Variants in SCYL2 observed in about 807,000 individuals in gnomAD.
SCYL2 encodes SCY1 like pseudokinase 2, also known as SCY1-like protein 2.
Under a neutral mutation model 100.4 loss-of-function variants are expected in SCYL2, and 36 were observed. The observed-to-expected ratio is 0.36, with a 90% CI of 0.27 to 0.47. The LOEUF is 0.47. SCYL2 is among the 20% of genes least tolerant of loss of function. The pLI is 1.00. For synonymous variants in SCYL2, 330 were observed against 359.2 expected, an observed-to-expected ratio of 0.92 and a Z score of 0.92; for missense variants, 902 against 1,083.9, an observed-to-expected ratio of 0.83 and a Z score of 2.36.
At chr12:100,313,644 C>A in intron 7 of SCYL2, 106 bp downstream of exon 7, 2 of 625,192 alleles carry the variant, frequency 3.2e-6, no homozygotes, top group Non-Finnish European at 5.7e-6. Context: ...GATCCCTGTT[C>A]TGAGATTAAG....
chr12:100,276,436 A>G (rs2096292568), intron 1 of SCYL2, among the ~76,000 whole-genome samples: 2 of 152,096 alleles, frequency 1.3e-5, no homozygotes, highest in Non-Finnish European at 2.9e-5. Flanking sequence ...AGGCTTAAGC[A>G]ATACTTCCAC....
intron 1 of SCYL2, among the ~76,000 whole-genome samples, chr12:100,275,253 G>C (rs2096291385): frequency 6.6e-6 from 1 of 151,688 alleles, no homozygotes; most frequent in Admixed American, 6.6e-5. Context: ...CCAGGCTGGA[G>C]TGCATTAGTG....
chr12:100,326,434 T>G (rs1049752266), intron 11 of SCYL2, among the ~76,000 whole-genome samples, 188 bp from the exon 12 acceptor site: 16 of 152,192 alleles, frequency 1.1e-4, no homozygotes, highest in African/African-American at 3.6e-4. Flanking sequence ...CATAAATTCT[T>G]TGTGAAACAA....
chr12:100,341,514 A>G lies in SCYL2; in HGVS notation c.*2342A>G, dbSNP rs1386438776. The G allele has an allele frequency of 2.6e-5, 4 of 152,178 alleles. No homozygotes were observed. Among genetic ancestry groups the G allele is most frequent in the Admixed American group, 6.5e-5 (1 of 15,282 alleles). 9.4% of individuals were successfully genotyped at this position (152,178 alleles called of 1,614,324 possible). A position where few individuals can be genotyped will look rare whatever the true frequency, so the allele number is the denominator to read the frequency against. The stretch of plus-strand genomic sequence containing the variant: ...GTATAAAAGGAAATGGAAATAGACT[A>G]TGTACTTGTCTGGTTTTTGTTTGTT... On this transcript the variant is annotated 3_prime_UTR_variant, in exon 18 of 18. Coordinates refer to ENST00000360820, the MANE Select transcript of SCYL2 (RefSeq NM_017988.6).
At chr12:100,299,785 T>C (rs2096325411) in intron 4 of SCYL2, among the ~76,000 whole-genome samples, 1 of 152,222 alleles carries the variant, frequency 6.6e-6, no homozygotes, top group South Asian at 2.1e-4. Context: ...GGGTTGTTTC[T>C]AGTTTTTGGC....
At chr12:100,308,570 G>T (rs2096337685) in intron 4 of SCYL2, among the ~76,000 whole-genome samples, 2 of 152,046 alleles carry the variant, frequency 1.3e-5, no homozygotes, top group South Asian at 4.1e-4. Flanking sequence ...AAACCACCAT[G>T]GCACGTGTAT....
At position 100,338,549 on chromosome 12, in the gene SCYL2, C is replaced by T. The variant is rs10860580; in HGVS notation, c.2167C>T (p.Leu723=). The T allele has an allele frequency of 0.25, 400,970 of 1,604,834 alleles. 52,801 individuals are homozygous for T. The highest frequency in any genetic ancestry group is 0.37 in the African/African-American group (27,452 of 74,620). Reference sequence around the variant, plus strand: ...TCAGACTAAGGACTTGACAGACACACTGATGGATAATATGTCATCCTTGAC... The same window carrying T: ...TCAGACTAAGGACTTGACAGACACATTGATGGATAATATGTCATCCTTGAC... The part of the protein sequence containing the change: ...VKQTKDLTDT[L]MDNMSSLTSL... Residue 723 remains leucine (L), a synonymous_variant, in exon 18 of 18, where the codon CTG becomes TTG. Transcript: ENST00000360820.
In SCYL2 at chr12:100,291,536, A is replaced by T. The variant is rs2096310619; in HGVS notation, c.211A>T (p.Ile71Phe). ...AGTTTTTGTCTTTGATAAAAAACTG[A>T]TTGACAAGTATCAAAAATTTGAAAA... ...VAVFVFDKKLIDKYQKFEKDQ... is the reference protein window; with the variant it reads ...VAVFVFDKKLFDKYQKFEKDQ... The change falls in exon 3 of 18, where the codon ATT becomes TTT. Residue 71 changes from isoleucine to phenylalanine, a missense_variant. Ile to Phe is a conservative substitution (Grantham distance 21, BLOSUM62 0). Transcript: ENST00000360820. 6 of 1,577,554 alleles carry T rather than the reference A, an allele frequency of 3.8e-6. No individual in the cohort carries two copies. The highest frequency in any genetic ancestry group is 1.4e-5 in the African/African-American group (1 of 73,216).
chr12:100,317,719 C>T, intron 9 of SCYL2, 84 bp from the exon 10 acceptor site: 2 of 1,453,822 alleles, frequency 1.4e-6, no homozygotes. Context: ...ATGAGTTATT[C>T]TTTTGAAGAA....
chr12:100,329,263 A>G lies in SCYL2; in HGVS notation c.1705A>G (p.Lys569Glu). ...LGITKEQLAG[K>E]VLPHLIPLSI... ...AATCACCAAAGAGCAGCTGGCCGGA[A>G]AAGTGTTGCCTCATCTTATTCCCCT... Residue 569 changes from lysine (K) to glutamate (E), a missense_variant, in exon 13 of 18, where the codon AAA becomes GAA. By Grantham distance (56) the Lys-to-Glu change is moderately conservative. Transcript: ENST00000360820. The G allele has an allele frequency of 1.2e-6, 2 of 1,610,272 alleles. No homozygotes were observed. Among genetic ancestry groups the G allele is most frequent in the African/African-American group, 1.3e-5 (1 of 74,976 alleles).
intron 2 of SCYL2, among the ~76,000 whole-genome samples, chr12:100,290,921 A>G (rs1428384241): frequency 5.3e-5 from 8 of 152,170 alleles, no homozygotes; most frequent in Non-Finnish European, 8.8e-5. Context: ...TTTTAGTAGT[A>G]TAAAATAAGC....
At chr12:100,281,212 A>G (rs534887843) in intron 1 of SCYL2, among the ~76,000 whole-genome samples, 3 of 151,792 alleles carry the variant, frequency 2.0e-5, no homozygotes, top group Admixed American at 2.0e-4. Flanking sequence ...AATTTTTTGT[A>G]GGGACAGGGT....
intron 1 of SCYL2, among the ~76,000 whole-genome samples, chr12:100,276,989 T>A (rs2096293198): frequency 6.6e-6 from 1 of 152,142 alleles, no homozygotes; most frequent in East Asian, 1.9e-4. Context: ...TGTGATTTCT[T>A]TTTTAGCCCT....
chr12:100,292,819 T>C (rs552221362), intron 3 of SCYL2, among the ~76,000 whole-genome samples: 1 of 152,274 alleles, frequency 6.6e-6, no homozygotes, highest in South Asian at 2.1e-4. Context: ...TATGCTAATG[T>C]GTCAGTTGAT....
intron 13 of SCYL2, among the ~76,000 whole-genome samples, chr12:100,331,201 G>T (rs1037899148): frequency 1.3e-5 from 2 of 152,258 alleles, no homozygotes; most frequent in East Asian, 1.9e-4. Context: ...TGGGCAAGAA[G>T]GGAGACAGTG....
chr12:100,317,709 A>G (rs2096350593), intron 9 of SCYL2, 94 bp from the exon 10 acceptor site: 1 of 1,440,456 alleles, frequency 6.9e-7, no homozygotes. Flanking sequence ...GTCAAAATAT[A>G]TGAGTTATTC....
intron 4 of SCYL2, 99 bp downstream of exon 4, chr12:100,298,274 CT>C: frequency 1.1e-6 from 1 of 876,252 alleles, no homozygotes; most frequent in South Asian, 2.1e-5. Context: ...TTTAGGTAAA[CT>C]TTTGGTTCTT....
chr12:100,317,412 C>T (rs553062597), intron 9 of SCYL2, among the ~76,000 whole-genome samples: 1 of 152,254 alleles, frequency 6.6e-6, no homozygotes, highest in South Asian at 2.1e-4. Flanking sequence ...TATACTCCCT[C>T]TCAGTTCTGT....
chr12:100,293,047 G>T (rs534052227), intron 3 of SCYL2, among the ~76,000 whole-genome samples: 2 of 152,112 alleles, frequency 1.3e-5, no homozygotes, highest in South Asian at 4.2e-4. Flanking sequence ...TATTACTCAG[G>T]CTGATCTTGA....
Sources: gnomAD v4.1 joint callset for allele counts (sites outside exome capture counted in the v4.1 genomes callset) on GRCh38, gnomAD v4.1.1 for gene constraint, MANE v1.5 for transcripts, NCBI Gene and HGNC (gene_info 2026-07-23, HGNC 2026-07-21) for gene names.